CFAP47: variants seen among roughly 807,000 people sequenced by gnomAD.
The protein encoded by CFAP47 is cilia- and flagella-associated protein 47.
In CFAP47, 29 loss-of-function variants were observed where a neutral mutation model predicts 148.1. The ratio of observed to expected loss-of-function variants is 0.20; its 90% CI spans 0.15 to 0.27. The LOEUF (loss-of-function observed/expected upper bound fraction) is 0.27, where lower values mean the gene tolerates loss of function less well. CFAP47 is among the 10% of genes least tolerant of loss of function. The pLI is 1.00. For synonymous variants in CFAP47, 664 were observed against 577.3 expected (o/e 1.15, Z -2.15); for missense variants, 1,872 against 1,697.5 (o/e 1.10, Z -1.81).
At chrX:36,272,366 G>T (rs1180881591) in intron 49 of CFAP47, among the ~76,000 whole-genome samples, 2 of 111,472 alleles carry the variant, frequency 1.8e-5, no homozygotes, top group African/African-American at 6.5e-5. Context: ...TTTCTGCAAG[G>T]CCAAAGAACA....
chrX:36,004,774 A>T (rs776788394), intron 21 of CFAP47, among the ~76,000 whole-genome samples: 1 of 110,660 alleles, frequency 9.0e-6, no homozygotes. Context: ...CTTGGGGTTG[A>T]TGGAAACATT....
chrX:36,134,473 C>A lies in CFAP47; in HGVS notation c.5321-3485C>A, dbSNP rs1455116219. Among the ~76,000 whole-genome samples, 3 of 108,464 alleles carry A rather than the reference C, an allele frequency of 2.8e-5. No homozygotes were observed. The East Asian group carries it at 9.0e-4, about 33-fold the overall frequency. The allele number at this position is 108,464 out of a possible 115,157, so 94.2% of individuals were successfully genotyped here. A position where few individuals can be genotyped will look rare whatever the true frequency, so the allele number is the denominator to read the frequency against. On this transcript the variant is annotated intron_variant, in intron 33 of 63. Coordinates refer to ENST00000378653, the MANE Select transcript of CFAP47 (RefSeq NM_001304548.2). ...AATTGAGAGGCAAGGAATATATCTA[C>A]ACAAATATAATCAACTGGGTGTTTT...
At chrX:36,096,622 T>G (rs1938282426) in intron 30 of CFAP47, among the ~76,000 whole-genome samples, 1 of 111,230 alleles carries the variant, frequency 9.0e-6, no homozygotes, top group Admixed American at 9.6e-5. Flanking sequence ...CTTATAGTTT[T>G]TGTATTGAAA....
chrX:35,960,409 G>GAAAA (rs1936313788), intron 8 of CFAP47, among the ~76,000 whole-genome samples: 2 of 69,693 alleles, frequency 2.9e-5, no homozygotes, highest in African/African-American at 9.2e-5. Flanking sequence ...AAAAAAAAAG[G>GAAAA]ACAGCTGGAA....
In CFAP47 at chrX:36,159,475, G is replaced by T; in HGVS notation, c.5836G>T (p.Ala1946Ser). Residue 1946 changes from alanine to serine, a missense_variant, in exon 38 of 64, where the codon GCT becomes TCT. By Grantham distance (99) the Ala-to-Ser change is moderately conservative. Coordinates refer to ENST00000378653, the MANE Select transcript of CFAP47 (RefSeq NM_001304548.2). ...LKFTSRFIRP[A>S]EASLLLISKP... ...ATTCACCAGTCGCTTTATTCGTCCT[G>T]CTGAAGCTTCACTACTATTAATTTC... The T allele has an allele frequency of 3.4e-6, 1 of 297,435 alleles. No individual in the cohort carries two copies. 24.5% of individuals were successfully genotyped at this position (297,435 alleles called of 1,213,427 possible).
chrX:35,946,245 C>T (rs1350461387), intron 3 of CFAP47, among the ~76,000 whole-genome samples: 2 of 111,612 alleles, frequency 1.8e-5, no homozygotes, highest in Non-Finnish European at 3.8e-5. Flanking sequence ...ATTTAAAAAG[C>T]CAAACAAATG....
rs1044116375 is a variant in CFAP47 at position 35,919,967 on chromosome X, G to T, written c.168G>T (p.Arg56Ser). 1 of 1,210,542 alleles carries T rather than the reference G, an allele frequency of 8.3e-7. No individual in the cohort carries two copies. The highest frequency in any genetic ancestry group is 1.1e-6 in the Non-Finnish European group (1 of 894,911). The change falls in exon 1 of 64, where the codon AGG becomes AGT. Residue 56 changes from arginine (R) to serine (S), a missense_variant. Transcript: ENST00000378653. ...EVKFLDTMAG[R>S]VYRLPITVHN... ...AGTTCCTGGACACGATGGCCGGGAGGGTGTACCGCCTCCCGATTACTGTGC... is the reference window on the plus strand; with the variant it reads ...AGTTCCTGGACACGATGGCCGGGAGTGTGTACCGCCTCCCGATTACTGTGC...
intron 25 of CFAP47, among the ~76,000 whole-genome samples, chrX:36,043,395 C>A (rs767812485): frequency 8.0e-5 from 9 of 112,255 alleles, no homozygotes; most frequent in Non-Finnish European, 1.5e-4. Context: ...AAGGTAAGTC[C>A]CTTCCACATA....
At chrX:36,071,146 C>G (rs1030603589) in intron 27 of CFAP47, among the ~76,000 whole-genome samples, 2 of 112,009 alleles carry the variant, frequency 1.8e-5, no homozygotes, top group African/African-American at 6.5e-5. Flanking sequence ...AGCCAAGAAC[C>G]CTTGCAGGCT....
At chrX:36,224,920 A>G (rs182402663) in intron 45 of CFAP47, among the ~76,000 whole-genome samples, 104 of 112,238 alleles carry the variant, frequency 9.3e-4, no homozygotes, top group Non-Finnish European at 1.5e-3. Flanking sequence ...GGATCTGAAC[A>G]TAGTATATTT....
In CFAP47 at chrX:36,298,819, A is replaced by G. The variant is rs184342474; in HGVS notation, c.7687-158A>G. ...GCTAATGAAAGAAAACATATAAGAG[A>G]TTCAAAGCTAGTGAGATATATTCAA... On this transcript the variant is annotated intron_variant, in intron 51 of 63. Transcript: ENST00000378653. Among the ~76,000 whole-genome samples, 4 of 111,984 alleles carry G rather than the reference A, an allele frequency of 3.6e-5. No homozygotes were observed. The East Asian group carries it at 1.1e-3, about 31-fold the overall frequency.
chrX:35,982,822 T>A (rs1212228466), intron 15 of CFAP47, among the ~76,000 whole-genome samples: 5 of 111,720 alleles, frequency 4.5e-5, no homozygotes, highest in Non-Finnish European at 7.5e-5. Flanking sequence ...TCTATGTATC[T>A]GTTTTTCTAC....
chrX:36,174,795 C>T (rs1204323659), intron 39 of CFAP47, among the ~76,000 whole-genome samples: 1,371 of 109,858 alleles, frequency 0.012, 20 homozygotes, highest in African/African-American at 0.041. Context: ...TTGCTCTTCT[C>T]GAGCAGTATC....
chrX:36,139,706 C>T (rs1249597823), intron 35 of CFAP47, among the ~76,000 whole-genome samples: 1 of 111,625 alleles, frequency 9.0e-6, no homozygotes, highest in African/African-American at 3.3e-5. Flanking sequence ...TGGAGAAAGA[C>T]TATTATAACT....
intron 33 of CFAP47, among the ~76,000 whole-genome samples, chrX:36,122,922 T>C (rs1320141167): frequency 1.8e-5 from 2 of 111,613 alleles, no homozygotes; most frequent in African/African-American, 6.5e-5. Context: ...ATTCTCAGTC[T>C]GGGCTTGTTT....
At chrX:35,997,695 TG>T in intron 19 of CFAP47, among the ~76,000 whole-genome samples, 1 of 111,277 alleles carries the variant, frequency 9.0e-6, no homozygotes, top group South Asian at 3.8e-4. Context: ...TTGCCTAAAA[TG>T]ACACCACATA....
chrX:35,968,503 C>T (rs764414564), intron 10 of CFAP47, among the ~76,000 whole-genome samples: 32 of 111,533 alleles, frequency 2.9e-4, no homozygotes, highest in Admixed American at 2.7e-3. Context: ...CATTTGAGAC[C>T]GGAATAAGTT....
At chrX:35,992,165 T>C (rs1024105490) in intron 17 of CFAP47, among the ~76,000 whole-genome samples, 1 of 111,423 alleles carries the variant, frequency 9.0e-6, no homozygotes, top group Non-Finnish European at 1.9e-5. Flanking sequence ...TTTTATTCTT[T>C]CTGTTATTTG....
chrX:36,298,045 C>A (rs782473410), intron 51 of CFAP47, among the ~76,000 whole-genome samples: 588 of 106,099 alleles, frequency 5.5e-3, no homozygotes, highest in African/African-American at 0.019. Context: ...TTGACCCAGC[C>A]ATCCCATTAC....
Sources: gnomAD v4.1 joint callset for allele counts (sites outside exome capture counted in the v4.1 genomes callset) on GRCh38, gnomAD v4.1.1 for gene constraint, MANE v1.5 for transcripts, NCBI Gene and HGNC (gene_info 2026-07-23, HGNC 2026-07-21) for gene names.